DSCAM: variants seen among roughly 807,000 people sequenced by gnomAD.
DSCAM encodes the protein DS cell adhesion molecule, also known as cell adhesion molecule DSCAM.
In DSCAM, 47 loss-of-function variants were observed where a neutral mutation model predicts 217.7. The ratio of observed to expected loss-of-function variants is 0.22; its 90% CI spans 0.17 to 0.28. DSCAM has a LOEUF of 0.28. Among genes scored for constraint, DSCAM ranks in the 10% least tolerant of loss-of-function variants. The probability of loss-of-function intolerance (pLI) is 1.00; values close to 1 mark genes in which losing one functional copy is unlikely to be tolerated. For missense variants in DSCAM, 2,080 were observed against 2,618.3 expected (o/e 0.79, Z 4.49); for synonymous variants, 1,056 against 1,015.3 (o/e 1.04, Z -0.76).
chr21:40,342,271 T>C (rs1014207846), intron 6 of DSCAM, among the ~76,000 whole-genome samples: 6 of 152,152 alleles, frequency 3.9e-5, no homozygotes, highest in African/African-American at 1.4e-4. Context: ...ATATATAATA[T>C]CTGTCAACAT....
Position 40,173,546 on chromosome 21 carries a change from G to A in DSCAM, c.2947+5381C>T, listed in dbSNP as rs573440998. 1.2e-3 allele frequency among the ~76,000 whole-genome samples: 187 copies of A among 152,274 alleles called. 2 individuals carry two copies. Among genetic ancestry groups the A allele is most frequent in the African/African-American group, 4.0e-3 (165 of 41,560 alleles). On this transcript the variant is annotated intron_variant, in intron 15 of 32. Transcript: ENST00000400454. ...GCCTGGTTGGTCATGGGGTGTGCTC[G>A]GCTCTTCTCGCTGAGTGAATGCTGT...
chr21:40,382,665 G>C (rs1055330281), intron 3 of DSCAM, among the ~76,000 whole-genome samples: 1 of 152,126 alleles, frequency 6.6e-6, no homozygotes, highest in African/African-American at 2.4e-5. Flanking sequence ...GCGGTCCCTC[G>C]TGTCACTCCC....
intron 1 of DSCAM, among the ~76,000 whole-genome samples, chr21:40,792,137 C>CTTTTTTTT (rs67838146): frequency 1.2e-4 from 14 of 118,608 alleles, no homozygotes; most frequent in Non-Finnish European, 1.7e-4. Flanking sequence ...TCTTCTTCTT[C>CTTTTTTTT]TTTTTTTTTT....
chr21:40,049,028 TA>T (rs2088887094), intron 30 of DSCAM, among the ~76,000 whole-genome samples: 1 of 152,202 alleles, frequency 6.6e-6, no homozygotes, highest in Admixed American at 6.5e-5. Flanking sequence ...AATGCTAAAT[TA>T]ATACGCTCAA....
At chr21:40,224,354 T>C (rs2091312959) in intron 11 of DSCAM, among the ~76,000 whole-genome samples, 2 of 152,240 alleles carry the variant, frequency 1.3e-5, no homozygotes, top group African/African-American at 4.8e-5. Context: ...ACATCTCTGG[T>C]AGTTTTGTTC....
intron 4 of DSCAM, among the ~76,000 whole-genome samples, chr21:40,354,848 C>CA (rs11314417): frequency 0.075 from 8,330 of 110,614 alleles, 499 homozygotes; most frequent in East Asian, 0.13. Context: ...AACTCTGTCT[C>CA]AAAAAAAAAA....
intron 18 of DSCAM, among the ~76,000 whole-genome samples, chr21:40,142,281 C>G (rs1302803235): frequency 6.8e-6 from 1 of 146,988 alleles, no homozygotes; most frequent in African/African-American, 2.4e-5. Flanking sequence ...GCCTGCAGAG[C>G]CTTGACATAG....
intron 11 of DSCAM, among the ~76,000 whole-genome samples, chr21:40,201,360 A>G (rs2091067536): frequency 7.2e-6 from 1 of 138,058 alleles, no homozygotes; most frequent in Admixed American, 7.2e-5. Flanking sequence ...GCATGGAGGC[A>G]GGCTGGCCAT....
At chr21:40,266,799 T>TATATATAC (rs1173276556) in intron 11 of DSCAM, among the ~76,000 whole-genome samples, 73 of 129,510 alleles carry the variant, frequency 5.6e-4, no homozygotes, top group Non-Finnish European at 5.9e-4. Context: ...TATATATATA[T>TATATATAC]ACACACACAC....
chr21:40,559,782 C>CTTTTTTTTTTTTTTTT (rs1568904832), intron 3 of DSCAM, among the ~76,000 whole-genome samples: 2 of 111,408 alleles, frequency 1.8e-5, no homozygotes, highest in Non-Finnish European at 3.8e-5. Context: ...TTAAAATTTT[C>CTTTTTTTTTTTTTTTT]TGTCTTTTTT....
chr21:40,295,120 A>C (rs2073939783), intron 10 of DSCAM, among the ~76,000 whole-genome samples: 1 of 152,196 alleles, frequency 6.6e-6, no homozygotes, highest in South Asian at 2.1e-4. Flanking sequence ...AATGATGATT[A>C]AGTCAACACA....
At chr21:40,456,672 ATT>A (rs1336341291) in intron 3 of DSCAM, among the ~76,000 whole-genome samples, 3 of 68,166 alleles carry the variant, frequency 4.4e-5, no homozygotes, top group African/African-American at 1.5e-4. Flanking sequence ...TAATACAAAA[ATT>A]ATTGTGAATA....
chr21:40,532,420 C>A (rs2076454419), intron 3 of DSCAM, among the ~76,000 whole-genome samples: 1 of 152,114 alleles, frequency 6.6e-6, no homozygotes, highest in African/African-American at 2.4e-5. Flanking sequence ...GAGCAGACAA[C>A]ATGAATGTTC....
chr21:40,535,720 G>A (rs1199712011), intron 3 of DSCAM, among the ~76,000 whole-genome samples: 2 of 152,200 alleles, frequency 1.3e-5, no homozygotes, highest in Admixed American at 6.5e-5. Context: ...ATGACAGGCA[G>A]ATAAATACAT....
At chr21:40,089,890 A>AT (rs2089583694) in intron 21 of DSCAM, among the ~76,000 whole-genome samples, 1 of 152,100 alleles carries the variant, frequency 6.6e-6, no homozygotes, top group African/African-American at 2.4e-5. Flanking sequence ...AAATCCACGC[A>AT]ATAGAGCATT....
chr21:40,207,510 G>C (rs2091138764), intron 11 of DSCAM, among the ~76,000 whole-genome samples: 1 of 152,200 alleles, frequency 6.6e-6, no homozygotes, highest in Non-Finnish European at 1.5e-5. Flanking sequence ...AAATTAATTA[G>C]ATAAATGTGC....
chr21:40,281,385 C>G (rs1267789150), intron 10 of DSCAM, among the ~76,000 whole-genome samples: 1 of 152,050 alleles, frequency 6.6e-6, no homozygotes, highest in Non-Finnish European at 1.5e-5. Context: ...ATATGGCTGT[C>G]TGTCTTTCCC....
At chr21:40,550,282 T>C (rs1374280079) in intron 3 of DSCAM, among the ~76,000 whole-genome samples, 2 of 152,180 alleles carry the variant, frequency 1.3e-5, no homozygotes, top group Non-Finnish European at 2.9e-5. Flanking sequence ...CCTAGCACTT[T>C]GGGAGGCGGA....
At chr21:40,505,580 A>C (rs1396638779) in intron 3 of DSCAM, among the ~76,000 whole-genome samples, 1 of 152,244 alleles carries the variant, frequency 6.6e-6, no homozygotes, top group Non-Finnish European at 1.5e-5. Flanking sequence ...GGTAAATACT[A>C]TAATGAATGT....
Sources: allele counts gnomAD v4.1 joint callset (sites outside exome capture counted in the v4.1 genomes callset), GRCh38; gene constraint gnomAD v4.1.1; transcripts MANE v1.5; gene names NCBI Gene and HGNC (gene_info 2026-07-23, HGNC 2026-07-21).